The following SKAP2 variants were observed in gnomAD, a reference collection of about 807,000 sequenced individuals.
SKAP2 encodes src kinase-associated phosphoprotein 2.
A neutral mutation model predicts 54.9 loss-of-function variants in SKAP2; 28 were observed. That is an observed-to-expected ratio of 0.51 (90% CI 0.38 to 0.70). The LOEUF (loss-of-function observed/expected upper bound fraction) is 0.70. Among genes scored for constraint, SKAP2 ranks in the 30% least tolerant of loss-of-function variants. The probability of loss-of-function intolerance (pLI) is 0.00; values close to 1 mark genes in which losing one functional copy is unlikely to be tolerated. For missense variants in SKAP2, 356 were observed against 424.1 expected, an observed-to-expected ratio of 0.84 and a Z score of 1.41; for synonymous variants, 137 against 134.3, an observed-to-expected ratio of 1.02 and a Z score of -0.14.
intron 4 of SKAP2, among the ~76,000 whole-genome samples, chr7:26,740,306 T>C (rs1782409351): frequency 1.3e-5 from 2 of 152,212 alleles, no homozygotes; most frequent in Admixed American, 1.3e-4. Flanking sequence ...TATATTTATA[T>C]TGAATTAACT....
intron 1 of SKAP2, among the ~76,000 whole-genome samples, chr7:26,861,867 C>T (rs1200397106): frequency 6.6e-6 from 1 of 151,838 alleles, no homozygotes; most frequent in Non-Finnish European, 1.5e-5. Flanking sequence ...ACAGATACAT[C>T]TAAGCAACAT....
At chr7:26,813,892 G>A (rs980060628) in intron 4 of SKAP2, among the ~76,000 whole-genome samples, 5 of 152,090 alleles carry the variant, frequency 3.3e-5, no homozygotes, top group Admixed American at 2.6e-4. Flanking sequence ...TCTGTGATTC[G>A]AAAGAAAAAT....
intron 4 of SKAP2, among the ~76,000 whole-genome samples, chr7:26,808,100 C>A (rs501985): frequency 6.6e-6 from 1 of 151,956 alleles, no homozygotes; most frequent in Admixed American, 6.6e-5. Context: ...AAATAATACA[C>A]AGGTTTAGGG....
At chr7:26,760,634 T>G (rs1241327047) in intron 4 of SKAP2, among the ~76,000 whole-genome samples, 2 of 152,160 alleles carry the variant, frequency 1.3e-5, no homozygotes, top group African/African-American at 4.8e-5. Flanking sequence ...ATGTGGCCTC[T>G]CTCAAAATAT....
At chr7:26,684,915 C>A in intron 10 of SKAP2, 67 bp from the exon 11 acceptor site, 1 of 910,606 alleles carries the variant, frequency 1.1e-6, no homozygotes. Flanking sequence ...TCAAAATTAA[C>A]CAGTAGAAAT....
At chr7:26,858,354 A>G (rs2127999392) in intron 1 of SKAP2, among the ~76,000 whole-genome samples, 1 of 152,302 alleles carries the variant, frequency 6.6e-6, no homozygotes, top group East Asian at 1.9e-4. Flanking sequence ...AGCTCCTAAT[A>G]CACCTTAACA....
intron 4 of SKAP2, among the ~76,000 whole-genome samples, chr7:26,806,978 G>A (rs1784042018): frequency 6.6e-6 from 1 of 152,202 alleles, no homozygotes; most frequent in South Asian, 2.1e-4. Flanking sequence ...CTTCAGTGGA[G>A]AAAGTCGCTG....
the SKAP2 span, among the ~76,000 whole-genome samples, chr7:26,657,467 C>G: frequency 1.3e-5 from 2 of 152,186 alleles, no homozygotes; most frequent in African/African-American, 2.4e-5. Context: ...GCAAAAAACA[C>G]TGATTGCTGC....
chr7:26,723,570 G>A (rs1787628049), intron 9 of SKAP2, among the ~76,000 whole-genome samples: 1 of 152,084 alleles, frequency 6.6e-6, no homozygotes, highest in Non-Finnish European at 1.5e-5. Flanking sequence ...GGGCAAGGAA[G>A]AATGAAGAAT....
In SKAP2 at chr7:26,796,891, A is replaced by T. The variant is rs1233392210; in HGVS notation, c.307+47139T>A. 2.0e-5 allele frequency among the ~76,000 whole-genome samples: 3 copies of T among 152,184 alleles called. No homozygotes were observed. The East Asian group carries it at 5.8e-4, about 29-fold the overall frequency. ...AAAAGCACAGGGGGTTGACATCCCT[A>T]AACCCTCACATTGTTCATGAGTCAA... On this transcript the variant is annotated intron_variant, in intron 4 of 12. Coordinates refer to ENST00000345317, the MANE Select transcript of SKAP2 (RefSeq NM_003930.5).
chr7:26,742,530 T>C (rs1329206851), intron 4 of SKAP2: 2 of 152,184 alleles, frequency 1.3e-5, no homozygotes, highest in Non-Finnish European at 2.9e-5. Context: ...AATTTCCACC[T>C]GATACATCAC....
chr7:26,813,109 T>A (rs7785815), intron 4 of SKAP2, among the ~76,000 whole-genome samples: 32,237 of 152,036 alleles, frequency 0.21, 3,474 homozygotes, highest in Non-Finnish European at 0.24. Flanking sequence ...TTCTACTAAC[T>A]TCAATTTTTT....
At chr7:26,800,315 C>G (rs945894465) in intron 4 of SKAP2, among the ~76,000 whole-genome samples, 3 of 151,934 alleles carry the variant, frequency 2.0e-5, no homozygotes, top group Non-Finnish European at 2.9e-5. Flanking sequence ...AAAATTTCTT[C>G]AAACAAATGA....
chr7:26,765,711 T>C (rs1273145757), intron 4 of SKAP2, among the ~76,000 whole-genome samples: 1 of 152,196 alleles, frequency 6.6e-6, no homozygotes, highest in Non-Finnish European at 1.5e-5. Context: ...CCCAACACCA[T>C]TTATTAAATA....
chr7:26,787,692 G>C lies in SKAP2; in HGVS notation c.308-47728C>G, dbSNP rs113522665. On this transcript the variant is annotated intron_variant, in intron 4 of 12. Coordinates refer to ENST00000345317, the MANE Select transcript of SKAP2 (RefSeq NM_003930.5). Reference sequence around the variant, plus strand: ...TGGTGTTTCATATGGCAGAGCAGGAGCAAGAGGGAGGGGGAGGTGCCACAC... The same window carrying C: ...TGGTGTTTCATATGGCAGAGCAGGACCAAGAGGGAGGGGGAGGTGCCACAC... Among the ~76,000 whole-genome samples the C allele has an allele frequency of 4.8e-4, 73 of 152,158 alleles. 1 individual carries two copies. The highest frequency in any genetic ancestry group is 1.7e-3 in the African/African-American group (72 of 41,522).
chr7:26,669,046 T>C lies in SKAP2; in HGVS notation c.*620A>G, dbSNP rs567254887. 2 of 152,346 alleles carry C rather than the reference T, an allele frequency of 1.3e-5. No individual in the cohort carries two copies. The highest frequency in any genetic ancestry group is 4.1e-4 in the South Asian group (2 of 4,830). The allele number at this position is 152,346 out of a possible 1,614,324, so 9.4% of individuals were successfully genotyped here. ...TCATACTTCTGGTACGCACTTCTGT[T>C]GCAGGTGACAGCACACTGCCATTTG... On this transcript the variant is annotated 3_prime_UTR_variant, in exon 13 of 13. Transcript: ENST00000345317.
chr7:26,761,305 A>G (rs1050730583), intron 4 of SKAP2, among the ~76,000 whole-genome samples: 1 of 152,234 alleles, frequency 6.6e-6, no homozygotes, highest in African/African-American at 2.4e-5. Flanking sequence ...TTTAGGAATA[A>G]TAAATCTGTA....
intron 1 of SKAP2, among the ~76,000 whole-genome samples, chr7:26,861,115 G>T (rs1424661583): frequency 6.6e-6 from 1 of 152,022 alleles, no homozygotes; most frequent in Non-Finnish European, 1.5e-5. Context: ...GAATGAGGAT[G>T]AATGAGAAGG....
At chr7:26,854,655 A>G in intron 2 of SKAP2, 130 bp downstream of exon 2, 1 of 930,888 alleles carries the variant, frequency 1.1e-6, no homozygotes. Flanking sequence ...TTTGCCCTTC[A>G]AAAATACTTA....
Sources: allele counts gnomAD v4.1 joint callset (sites outside exome capture counted in the v4.1 genomes callset), GRCh38; gene constraint gnomAD v4.1.1; transcripts MANE v1.5; gene names NCBI Gene and HGNC (gene_info 2026-07-23, HGNC 2026-07-21).